DARS1: variants seen among roughly 807,000 people sequenced by gnomAD.
DARS1 encodes the protein aspartyl-tRNA synthetase 1, also known as aspartate--tRNA ligase, cytoplasmic.
Under a neutral mutation model 68.8 loss-of-function variants are expected in DARS1, and 51 were observed. The ratio of observed to expected loss-of-function variants is 0.74; its 90% CI spans 0.59 to 0.94. The LOEUF (loss-of-function observed/expected upper bound fraction) is 0.94. DARS1 is among the 40% of genes least tolerant of loss of function. The pLI, the probability that DARS1 is intolerant of heterozygous loss-of-function variation, is 0.00. For missense variants in DARS1, 607 were observed against 597.3 expected (o/e 1.02, Z -0.17); for synonymous variants, 203 against 190.4 (o/e 1.07, Z -0.55).
At chr2:135,950,513 ATTT>A (rs1681818343) in intron 4 of DARS1, among the ~76,000 whole-genome samples, 1 of 152,198 alleles carries the variant, frequency 6.6e-6, no homozygotes, top group Admixed American at 6.5e-5. Flanking sequence ...CTAAGTAAAG[ATTT>A]TTGTTTTATT....
intron 15 of DARS1, among the ~76,000 whole-genome samples, chr2:135,910,647 CA>C (rs1680877180): frequency 6.6e-6 from 1 of 152,010 alleles, no homozygotes; most frequent in African/African-American, 2.4e-5. Flanking sequence ...CAAAAAACCC[CA>C]AAACAAACAA....
At chr2:135,940,226 A>C (rs1247703077) in intron 5 of DARS1, among the ~76,000 whole-genome samples, 1 of 152,226 alleles carries the variant, frequency 6.6e-6, no homozygotes, top group Non-Finnish European at 1.5e-5. Context: ...TTTTAGACCA[A>C]TATCCCTGAT....
chr2:135,939,417 C>T (rs1357694484), intron 5 of DARS1, among the ~76,000 whole-genome samples: 3 of 152,114 alleles, frequency 2.0e-5, no homozygotes, highest in African/African-American at 7.2e-5. Flanking sequence ...CTACTGAGTA[C>T]ATAATGAAAT....
chr2:135,917,354 T>C (rs980509317), intron 10 of DARS1, among the ~76,000 whole-genome samples: 2 of 152,220 alleles, frequency 1.3e-5, no homozygotes, highest in Non-Finnish European at 1.5e-5. Flanking sequence ...TCCTTTTGTA[T>C]GTGTTTGAAA....
At chr2:135,947,740 G>A (rs533249891) in intron 4 of DARS1, among the ~76,000 whole-genome samples, 6 of 150,830 alleles carry the variant, frequency 4.0e-5, no homozygotes, top group Admixed American at 2.6e-4. Flanking sequence ...AAATATCTCA[G>A]AATGCATCAT....
intron 1 of DARS1, among the ~76,000 whole-genome samples, chr2:135,983,888 G>A (rs945110248): frequency 3.3e-5 from 5 of 152,110 alleles, no homozygotes; most frequent in Admixed American, 3.3e-4. Flanking sequence ...CCAACGTTTT[G>A]GGTAAGCTTT....
intron 2 of DARS1, 36 bp downstream of exon 2, chr2:135,983,361 C>CA (rs1438343255): frequency 7.1e-6 from 6 of 844,718 alleles, no homozygotes; most frequent in Non-Finnish European, 1.2e-5. Flanking sequence ...AATTAGAAAG[C>CA]AAAAAAGCTT....
At chr2:135,940,191 C>T (rs1575393831) in intron 5 of DARS1, among the ~76,000 whole-genome samples, 1 of 152,216 alleles carries the variant, frequency 6.6e-6, no homozygotes, top group Admixed American at 6.5e-5. Context: ...CAAAGCCTGG[C>T]AGAGACATAA....
intron 7 of DARS1, among the ~76,000 whole-genome samples, chr2:135,932,266 T>A (rs1681368850): frequency 6.6e-6 from 1 of 152,058 alleles, no homozygotes; most frequent in African/African-American, 2.4e-5. Context: ...ACCACTAAAC[T>A]CTCTTTCACT....
Position 135,920,440 on chromosome 2 carries a change from A to G in DARS1, c.959+13T>C. 1 of 1,608,994 alleles carries G rather than the reference A, an allele frequency of 6.2e-7. No homozygotes were observed. The highest frequency in any genetic ancestry group is 8.5e-7 in the Non-Finnish European group (1 of 1,178,212). On this transcript the variant is annotated intron_variant, in intron 10 of 15. Transcript: ENST00000264161. The stretch of plus-strand genomic sequence containing the variant: ...GAAATTAAGTCCATCTAGGTGCATA[A>G]AATACTTTTTACCTTTCTTGAAGTC...
rs557492411 is a variant in DARS1 at position 135,914,426 on chromosome 2, T to C, written c.1149+43A>G. 5 of 944,410 alleles carry C rather than the reference T, an allele frequency of 5.3e-6. No homozygotes were observed. The South Asian group carries it at 6.4e-5, about 12-fold the overall frequency. The allele number at this position is 944,410 out of a possible 1,614,324, so 58.5% of individuals were successfully genotyped here. On this transcript the variant is annotated intron_variant, in intron 12 of 15. Transcript: ENST00000264161. The stretch of plus-strand genomic sequence containing the variant: ...CAATTGTTTTTAGTCCCAAGAGACA[T>C]TTCAGAATTAGAAAAAGAAATCCAG...
chr2:135,943,574 CT>C, intron 4 of DARS1, 94 bp from the exon 5 acceptor site: 1 of 1,518,958 alleles, frequency 6.6e-7, no homozygotes. Context: ...ATGTTAAACT[CT>C]TTTTTAATAC....
At chr2:135,945,172 G>C (rs772228314) in intron 4 of DARS1, among the ~76,000 whole-genome samples, 10 of 151,700 alleles carry the variant, frequency 6.6e-5, no homozygotes, top group African/African-American at 2.4e-4. Flanking sequence ...CTGTCACCTA[G>C]GCTGGAGTGC....
chr2:135,960,420 C>T (rs771031729), intron 4 of DARS1, among the ~76,000 whole-genome samples: 9 of 152,066 alleles, frequency 5.9e-5, no homozygotes, highest in Admixed American at 5.2e-4. Flanking sequence ...AGCTAAATTA[C>T]GATATTGAAT....
rs11889473 is a variant in DARS1, at chr2:135,957,895, A to C, written c.320+3501T>G. ...AGAAATAAATTTTTAAATAAAAACA[A>C]AATTCAAATTAATAAGTAATATTAA... On this transcript the variant is annotated intron_variant, in intron 4 of 15. Coordinates refer to ENST00000264161, the MANE Select transcript of DARS1 (RefSeq NM_001349.4). 5.2e-3 allele frequency among the ~76,000 whole-genome samples: 792 copies of C among 152,330 alleles called. 7 individuals carry two copies. Among genetic ancestry groups the C allele is most frequent in the African/African-American group, 0.018 (735 of 41,590 alleles).
chr2:135,927,480 T>G (rs1227298877), intron 7 of DARS1, among the ~76,000 whole-genome samples: 1 of 152,148 alleles, frequency 6.6e-6, no homozygotes, highest in South Asian at 2.1e-4. Context: ...TCATTTAAGT[T>G]ATAAACCATA....
chr2:135,944,135 A>T (rs1681666929), intron 4 of DARS1, among the ~76,000 whole-genome samples: 1 of 152,166 alleles, frequency 6.6e-6, no homozygotes, highest in Non-Finnish European at 1.5e-5. Flanking sequence ...TGAACACCAG[A>T]CACTGAAATT....
Position 135,985,301 on chromosome 2 carries a change from T to G in DARS1, c.66+102A>C, listed in dbSNP as rs1277809964. ...CCACGCCCGCAGCCTGCGGAGAACGTGCCGACAAGGACCTGTAGGGCCCCA... is the reference window on the plus strand; with the variant it reads ...CCACGCCCGCAGCCTGCGGAGAACGGGCCGACAAGGACCTGTAGGGCCCCA... On this transcript the variant is annotated intron_variant, in intron 1 of 15. Transcript: ENST00000264161. 5.4e-6 allele frequency: 8 copies of G among 1,469,612 alleles called. No homozygotes were observed. The African/African-American group carries it at 1.1e-4, about 21-fold the overall frequency. 91.0% of individuals were successfully genotyped at this position (1,469,612 alleles called of 1,614,324 possible).
chr2:135,951,759 T>C (rs1681843492), intron 4 of DARS1, among the ~76,000 whole-genome samples: 1 of 152,258 alleles, frequency 6.6e-6, no homozygotes. Flanking sequence ...CATCTGGTGT[T>C]ACAACTTTCC....
Sources: allele counts gnomAD v4.1 joint callset (sites outside exome capture counted in the v4.1 genomes callset), GRCh38; gene constraint gnomAD v4.1.1; transcripts MANE v1.5; gene names NCBI Gene and HGNC (gene_info 2026-07-23, HGNC 2026-07-21).